The following INTS4 variants were observed in gnomAD, a reference collection of about 807,000 sequenced individuals.
The protein encoded by INTS4 is integrator complex subunit 4, also known as MSTP093.
In INTS4, 70 loss-of-function variants were observed where a neutral mutation model predicts 119.5. The ratio of observed to expected loss-of-function variants is 0.59; its 90% CI spans 0.48 to 0.71. INTS4 has a LOEUF of 0.71. INTS4 is among the 30% of genes least tolerant of loss of function. The pLI is 0.00. For synonymous variants in INTS4, 316 were observed against 419.6 expected, an observed-to-expected ratio of 0.75 and a Z score of 3.02; for missense variants, 867 against 1,173.2, an observed-to-expected ratio of 0.74 and a Z score of 3.81.
intron 15 of INTS4, among the ~76,000 whole-genome samples, chr11:77,913,719 A>C (rs1408153112): frequency 3.9e-5 from 6 of 152,198 alleles, no homozygotes; most frequent in Non-Finnish European, 8.8e-5. Flanking sequence ...TCTTCGCAAC[A>C]GTTCTACAGG....
intron 2 of INTS4, among the ~76,000 whole-genome samples, chr11:77,983,733 T>C (rs1856335389): frequency 6.6e-6 from 1 of 152,188 alleles, no homozygotes; most frequent in Non-Finnish European, 1.5e-5. Context: ...CTGGTGGGGA[T>C]GTAAAACAGC....
At chr11:77,989,898 CA>C (rs1565295905) in intron 2 of INTS4, among the ~76,000 whole-genome samples, 1 of 152,016 alleles carries the variant, frequency 6.6e-6, no homozygotes, top group South Asian at 2.1e-4. Context: ...GACCCCATCT[CA>C]AAAATAATAA....
chr11:77,942,437 ATAGTAAGGGGTTTGCCT>A (rs1242593640), intron 8 of INTS4, among the ~76,000 whole-genome samples: 1 of 152,228 alleles, frequency 6.6e-6, no homozygotes, highest in Admixed American at 6.5e-5. Flanking sequence ...CTTATTTGCC[ATAGTAAGGGGTTTGCCT>A]TATAAATAAT....
At chr11:77,916,499 G>A (rs1345984075) in intron 15 of INTS4, among the ~76,000 whole-genome samples, 2 of 151,984 alleles carry the variant, frequency 1.3e-5, no homozygotes, top group Non-Finnish European at 2.9e-5. Flanking sequence ...TATAATCATG[G>A]GACCACCACA....
At chr11:77,988,598 G>A (rs1004374211) in intron 2 of INTS4, among the ~76,000 whole-genome samples, 2 of 152,152 alleles carry the variant, frequency 1.3e-5, no homozygotes, top group African/African-American at 4.8e-5. Flanking sequence ...AGGCAGTTTC[G>A]ATATGAAACA....
intron 15 of INTS4, chr11:77,918,169 C>G: frequency 1.4e-6 from 1 of 696,554 alleles, no homozygotes. Flanking sequence ...CAGTGGCTCA[C>G]GCCTGTAATT....
At chr11:77,897,601 T>C (rs1269214617) in intron 18 of INTS4, among the ~76,000 whole-genome samples, 14 of 149,908 alleles carry the variant, frequency 9.3e-5, no homozygotes, top group Non-Finnish European at 1.9e-4. Context: ...CCTGGGTTCA[T>C]GCCATTCTCC....
At chr11:77,902,074 A>G (rs1250204253) in intron 17 of INTS4, among the ~76,000 whole-genome samples, 6 of 152,200 alleles carry the variant, frequency 3.9e-5, no homozygotes, top group African/African-American at 1.4e-4. Flanking sequence ...GCTCGGTTCT[A>G]TCCAAATAAG....
chr11:77,906,595 A>G (rs1407711503), intron 16 of INTS4, among the ~76,000 whole-genome samples: 12 of 152,194 alleles, frequency 7.9e-5, no homozygotes, highest in Non-Finnish European at 1.8e-4. Context: ...CGACTTGCCT[A>G]TGGTGGTGAT....
At chr11:77,986,053 T>C (rs960209545) in intron 2 of INTS4, among the ~76,000 whole-genome samples, 2 of 152,232 alleles carry the variant, frequency 1.3e-5, no homozygotes, top group East Asian at 3.8e-4. Context: ...TGGGTCCATC[T>C]GGCATCCCTC....
rs754298237 is a variant in INTS4, at chr11:77,961,119, T to C, written c.491A>G (p.His164Arg). 6.4e-7 allele frequency: 1 copy of C among 1,566,926 alleles called. No individual in the cohort carries two copies. The highest frequency in any genetic ancestry group is 8.6e-7 in the Non-Finnish European group (1 of 1,161,990). ...VACKHLTDTS[H>R]GVRNKCLQLL... ...CTGCAGGCACTTATTTCTTACACCATGAGACGTATCTGTCAGATGCTATTA... is the reference window on the plus strand; with the variant it reads ...CTGCAGGCACTTATTTCTTACACCACGAGACGTATCTGTCAGATGCTATTA... The change falls in exon 5 of 23, where the codon CAT becomes CGT. Residue 164 changes from histidine to arginine, a missense_variant. This residue lies in a region of INTS4 where 224 missense variants were observed against 231.8 expected (regional missense o/e 0.97). Coordinates refer to ENST00000534064, the MANE Select transcript of INTS4 (RefSeq NM_033547.4).
At position 77,879,272 on chromosome 11, in the gene INTS4, A is replaced by T. The variant is rs575123705; in HGVS notation, c.2714-145T>A. 2 of 820,040 alleles carry T rather than the reference A, an allele frequency of 2.4e-6. 1 individual carries two copies. Among genetic ancestry groups the T allele is most frequent in the South Asian group, 3.6e-5 (2 of 56,198 alleles). 50.8% of individuals were successfully genotyped at this position (820,040 alleles called of 1,614,324 possible). A position where few individuals can be genotyped will look rare whatever the true frequency, so the allele number is the denominator to read the frequency against. ...CATTCCCTCCCCTTACCCTCACCAA[A>T]CAAAACACTGAGCCTGCAGATGTGA... On this transcript the variant is annotated intron_variant, in intron 22 of 22. Transcript: ENST00000534064.
rs747108878 is a variant in INTS4, at chr11:77,884,879, T to G, written c.2593-927A>C. 3 of 294,236 alleles carry G rather than the reference T, an allele frequency of 1.0e-5. No individual in the cohort carries two copies. In the East Asian group the frequency reaches 2.8e-4, roughly 27 times the overall value. 18.2% of individuals were successfully genotyped at this position (294,236 alleles called of 1,614,324 possible). A position where few individuals can be genotyped will look rare whatever the true frequency, so the allele number is the denominator to read the frequency against. ...AAGTGATCTTCCTGCCTCAGCCTCC[T>G]GAGGAGTGGGGATTACAGGCACGTG... On this transcript the variant is annotated intron_variant, in intron 21 of 22. Coordinates refer to ENST00000534064, the MANE Select transcript of INTS4 (RefSeq NM_033547.4).
chr11:77,960,244 C>T (rs571141998), intron 6 of INTS4, 97 bp downstream of exon 6: 7 of 790,106 alleles, frequency 8.9e-6, no homozygotes, highest in East Asian at 5.0e-5. Flanking sequence ...TATTAACTAG[C>T]GAAGTCCTTA....
chr11:77,887,256 G>A (rs1362034865), intron 21 of INTS4, among the ~76,000 whole-genome samples: 1 of 152,178 alleles, frequency 6.6e-6, no homozygotes, highest in African/African-American at 2.4e-5. Flanking sequence ...TGGGATGCAA[G>A]GCTGGTTCAA....
chr11:77,907,903 T>G, intron 15 of INTS4, 93 bp from the exon 16 acceptor site: 1 of 756,130 alleles, frequency 1.3e-6, no homozygotes. Context: ...ATTTTATACC[T>G]AGTAAACAGT....
At chr11:77,898,194 C>T (rs1952614318) in intron 18 of INTS4, among the ~76,000 whole-genome samples, 2 of 152,096 alleles carry the variant, frequency 1.3e-5, no homozygotes, top group Non-Finnish European at 2.9e-5. Context: ...GACAGAGTTT[C>T]ACTCTGTCAC....
rs1475916406 is a variant in INTS4 at position 77,945,489 on chromosome 11, C to T, written c.919-4238G>A. On this transcript the variant is annotated intron_variant, in intron 8 of 22. Coordinates refer to ENST00000534064, the MANE Select transcript of INTS4 (RefSeq NM_033547.4). ...TCTACCATGATCACATGATGGCCTG[C>T]AGCACCATAACCCCATCCACATAGA... Among the ~76,000 whole-genome samples the T allele has an allele frequency of 2.6e-5, 4 of 152,316 alleles. No homozygotes were observed. In the Middle Eastern group the frequency reaches 0.01, roughly 389 times the overall value.
chr11:77,878,984 T>G lies in INTS4; in HGVS notation c.2857A>C (p.Lys953Gln). The change falls in exon 23 of 23, where the codon AAA becomes CAA. Residue 953 changes from lysine (K) to glutamine (Q), a missense_variant. By Grantham distance (53) the Lys-to-Gln change is moderately conservative. Transcript: ENST00000534064. ...GCAGGTTTGGGCATTATATAAACTT[T>G]TACAGGCTTGCTGAAGGGAATGGTG... is the stretch of plus-strand genomic sequence containing the variant. ...EGTIPFSKPVKVYIMPKPARR is the reference protein window; with the variant it reads ...EGTIPFSKPVQVYIMPKPARR 1 of 1,614,092 alleles carries G rather than the reference T, an allele frequency of 6.2e-7. No homozygotes were observed. The highest frequency in any genetic ancestry group is 8.5e-7 in the Non-Finnish European group (1 of 1,180,006).
Sources: gnomAD v4.1 joint callset for allele counts (sites outside exome capture counted in the v4.1 genomes callset) on GRCh38, gnomAD v4.1.1 for gene constraint, gnomAD v4.1.1 regional missense constraint, MANE v1.5 for transcripts, NCBI Gene and HGNC (gene_info 2026-07-23, HGNC 2026-07-21) for gene names.